Variants in SELE observed in about 807,000 individuals in gnomAD.
SELE encodes the protein E-selectin.
A neutral mutation model predicts 75.8 loss-of-function variants in SELE; 52 were observed. That is an observed-to-expected ratio of 0.69 (90% CI 0.55 to 0.86). The LOEUF is 0.86. SELE is among the 40% of genes least tolerant of loss of function. The pLI, the probability that SELE is intolerant of heterozygous loss-of-function variation, is 0.00. For synonymous variants in SELE, 285 were observed against 258.7 expected (o/e 1.10, Z -0.98); for missense variants, 754 against 732.7 (o/e 1.03, Z -0.34).
rs1368355922 is a variant in SELE, at chr1:169,727,867, G to A, written c.1340C>T (p.Pro447Leu). 6.2e-7 allele frequency: 1 copy of A among 1,614,044 alleles called. No individual in the cohort carries two copies. Among genetic ancestry groups the A allele is most frequent in the African/African-American group, 1.3e-5 (1 of 74,920 alleles). The change falls in exon 9 of 14, where the codon CCT becomes CTT. Residue 447 changes from proline (P) to leucine (L), a missense_variant. Pro to Leu is a moderately conservative substitution (Grantham distance 98, BLOSUM62 -3). Transcript: ENST00000333360. ...GGACTTGTAGGTGAATTCTCCAATA[G>A]GGGAATGAGCACACCTCACCAAACC... ...PKGLVRCAHS[P>L]IGEFTYKSSC...
intron 10 of SELE, 38 bp from the exon 11 acceptor site, chr1:169,726,844 A>T: frequency 1.4e-6 from 2 of 1,437,476 alleles, no homozygotes. Flanking sequence ...CATGAGGAAG[A>T]ATTGATGTTA....
intron 4 of SELE, among the ~76,000 whole-genome samples, chr1:169,730,876 A>C (rs930360183): frequency 6.6e-6 from 1 of 152,136 alleles, no homozygotes; most frequent in Non-Finnish European, 1.5e-5. Context: ...GAGTAGTGTA[A>C]TTGTGTTTAC....
chr1:169,732,943 CAT>C lies in SELE; in HGVS notation c.91_92del (p.Met31AspfsTer3). 6 of 1,612,634 alleles carry C rather than the reference CAT, an allele frequency of 3.7e-6. No individual in the cohort carries two copies. The highest frequency in any genetic ancestry group is 5.1e-6 in the Non-Finnish European group (6 of 1,179,608). On this transcript the variant is annotated frameshift_variant, in exon 3 of 14. Transcript: ENST00000333360. LOFTEE classifies it high-confidence loss of function. ...AWSYNTSTEA[M>X]TYDEASAYCQ... ...AATAAGCACTGGCCTCATCATAAGT[CAT>C]AGCTTCCGTGGAGGTGTTGTAAGAC... is the stretch of plus-strand genomic sequence containing the variant.
Position 169,723,358 on chromosome 1 carries a change from A to G in SELE, c.*1167T>C, listed in dbSNP as rs1648673096. 1 of 152,230 alleles carries G rather than the reference A, an allele frequency of 6.6e-6. No homozygotes were observed. Among genetic ancestry groups the G allele is most frequent in the African/African-American group, 2.4e-5 (1 of 41,464 alleles). 9.4% of individuals were successfully genotyped at this position (152,230 alleles called of 1,614,324 possible). On this transcript the variant is annotated 3_prime_UTR_variant, in exon 14 of 14. Coordinates refer to ENST00000333360, the MANE Select transcript of SELE (RefSeq NM_000450.2). ...GTGAATTTAAAATCTTCCATAATAT[A>G]CAAGAATTATGTTTACATATCATAT...
chr1:169,732,339 A>G (rs1281570751), intron 3 of SELE, among the ~76,000 whole-genome samples: 1 of 150,482 alleles, frequency 6.6e-6, no homozygotes, highest in Non-Finnish European at 1.5e-5. Context: ...GTGTGTATGT[A>G]TATATATAAA....
intron 9 of SELE, 91 bp from the exon 10 acceptor site, chr1:169,727,616 G>A (rs907126690): frequency 1.3e-6 from 2 of 1,545,960 alleles, no homozygotes; most frequent in Non-Finnish European, 1.8e-6. Context: ...AATGTAAAGT[G>A]TAAGCGCTAC....
chr1:169,733,574 A>G lies in SELE; in HGVS notation c.37+2T>C, dbSNP rs768928347. On this transcript the variant is annotated splice_donor_variant, in intron 2 of 13. Transcript: ENST00000333360. LOFTEE classifies it high-confidence loss of function. ...AATCTTGGTCTAATGGCACTGACTT[A>G]CCCAAAGTGAGAGCTGAGAGAAACT... 6.2e-7 allele frequency: 1 copy of G among 1,613,728 alleles called. No homozygotes were observed. The highest frequency in any genetic ancestry group is 1.7e-5 in the Admixed American group (1 of 60,028).
At chr1:169,732,514 A>G (rs1470221087) in intron 3 of SELE, 101 bp downstream of exon 3, 5 of 1,382,072 alleles carry the variant, frequency 3.6e-6, no homozygotes, top group Non-Finnish European at 4.9e-6. Flanking sequence ...ATCTTTTGGA[A>G]CATAAAATGA....
rs749877823 is a variant in SELE, at chr1:169,725,713, G to T, written c.*15+16C>A. 1.2e-6 allele frequency: 2 copies of T among 1,601,936 alleles called. No individual in the cohort carries two copies. The highest frequency in any genetic ancestry group is 8.6e-7 in the Non-Finnish European group (1 of 1,169,350). On this transcript the variant is annotated intron_variant, in intron 13 of 13. Coordinates refer to ENST00000333360, the MANE Select transcript of SELE (RefSeq NM_000450.2). ...AGATACCTCTCTCATAACCATTTGT[G>T]ATTTACAAGTCTTACCTGATTCTTT...
At chr1:169,726,011 A>T in intron 11 of SELE, 83 bp from the exon 12 acceptor site, 1 of 1,511,072 alleles carries the variant, frequency 6.6e-7, no homozygotes, top group Non-Finnish European at 9.2e-7. Flanking sequence ...ATATGACTTA[A>T]TTCATCAAGT....
At chr1:169,724,858 A>G (rs540610344) in intron 13 of SELE, among the ~76,000 whole-genome samples, 1 of 152,280 alleles carries the variant, frequency 6.6e-6, no homozygotes, top group East Asian at 1.9e-4. Context: ...TTTCTGCTCA[A>G]TTTTTCTGTA....
chr1:169,730,540 T>C lies in SELE; in HGVS notation c.607A>G (p.Asn203Asp), dbSNP rs767241438. ...CSHPLGNFSY[N>D]SSCSISCDRG... ...TCACAGCTGATAGAGCAGGAAGAAT[T>C]GTAGCTGAAGTTTCCCAGTGGGTGA... Residue 203 changes from asparagine to aspartate, a missense_variant, in exon 5 of 14, where the codon AAT becomes GAT. By Grantham distance (23) the Asn-to-Asp change is conservative. Transcript: ENST00000333360. The C allele has an allele frequency of 6.2e-7, 1 of 1,614,016 alleles. No individual in the cohort carries two copies. Among genetic ancestry groups the C allele is most frequent in the Non-Finnish European group, 8.5e-7 (1 of 1,179,970 alleles).
intron 10 of SELE, 78 bp downstream of exon 10, chr1:169,727,271 A>G: frequency 2.7e-6 from 4 of 1,471,622 alleles, no homozygotes; most frequent in Non-Finnish European, 3.7e-6. Flanking sequence ...GATATAATGA[A>G]TAGTTGATTA....
rs2101989223 is a variant in SELE, at chr1:169,724,217, A to G, written c.*308T>C. ...CGAGCAAGGGAGAGTTAGAAAAGGAATTCTGAGATTTCAGAGTCTTGGTCT... is the reference window on the plus strand; with the variant it reads ...CGAGCAAGGGAGAGTTAGAAAAGGAGTTCTGAGATTTCAGAGTCTTGGTCT... On this transcript the variant is annotated 3_prime_UTR_variant, in exon 14 of 14. Coordinates refer to ENST00000333360, the MANE Select transcript of SELE (RefSeq NM_000450.2). The G allele has an allele frequency of 6.6e-6, 1 of 152,356 alleles. No individual in the cohort carries two copies. Among genetic ancestry groups the G allele is most frequent in the South Asian group, 2.1e-4 (1 of 4,832 alleles). 9.4% of individuals were successfully genotyped at this position (152,356 alleles called of 1,614,324 possible). A position where few individuals can be genotyped will look rare whatever the true frequency, so the allele number is the denominator to read the frequency against.
Position 169,732,971 on chromosome 1 carries a change from C to A in SELE, c.65G>T (p.Trp22Leu). The change falls in exon 3 of 14, where the codon TGG becomes TTG. Residue 22 changes from tryptophan (W) to leucine (L), a missense_variant. Coordinates refer to ENST00000333360, the MANE Select transcript of SELE (RefSeq NM_000450.2). ...AGCTTCCGTGGAGGTGTTGTAAGAC[C>A]AGGCTCCACTCTCTTTAATGAGAAG... ...LVLLIKESGA[W>L]SYNTSTEAMT... is the part of the protein sequence containing the mutation. 6.2e-7 allele frequency: 1 copy of A among 1,604,806 alleles called. No individual in the cohort carries two copies. The highest frequency in any genetic ancestry group is 1.1e-5 in the South Asian group (1 of 89,042).
Position 169,727,869 on chromosome 1 carries a change from G to A in SELE, c.1338C>T (p.Ser446=). The part of the protein sequence containing the change: ...PPKGLVRCAH[S]PIGEFTYKSS... ...ACTTGTAGGTGAATTCTCCAATAGG[G>A]GAATGAGCACACCTCACCAAACCCT... The change falls in exon 9 of 14, where the codon TCC becomes TCT. Residue 446 remains serine (S), a synonymous_variant. Coordinates refer to ENST00000333360, the MANE Select transcript of SELE (RefSeq NM_000450.2). 4 of 1,614,112 alleles carry A rather than the reference G, an allele frequency of 2.5e-6. No individual in the cohort carries two copies. Among genetic ancestry groups the A allele is most frequent in the African/African-American group, 1.3e-5 (1 of 75,036 alleles).
rs1571147807 is a variant in SELE, at chr1:169,733,075, G to T, written c.38-77C>A. On this transcript the variant is annotated intron_variant, in intron 2 of 13. Coordinates refer to ENST00000333360, the MANE Select transcript of SELE (RefSeq NM_000450.2). ...AACTCTGACAACTGTGCTTTTTATT[G>T]TCTTATTTTTGGCAATGTTTGTGAC... is the stretch of plus-strand genomic sequence containing the variant. 6 of 1,422,598 alleles carry T rather than the reference G, an allele frequency of 4.2e-6. No homozygotes were observed. In the Admixed American group the frequency reaches 1.0e-4, roughly 25 times the overall value. 88.1% of individuals were successfully genotyped at this position (1,422,598 alleles called of 1,614,324 possible). A position where few individuals can be genotyped will look rare whatever the true frequency, so the allele number is the denominator to read the frequency against.
Position 169,724,294 on chromosome 1 carries a change from T to A in SELE, c.*231A>T, listed in dbSNP as rs1648691303. ...CCTTTCCCTTCATTAGCCAACACTT[T>A]CTTGATCCTGAGAGTAGGAAAGGGA... On this transcript the variant is annotated 3_prime_UTR_variant, in exon 14 of 14. Coordinates refer to ENST00000333360, the MANE Select transcript of SELE (RefSeq NM_000450.2). 1 of 152,208 alleles carries A rather than the reference T, an allele frequency of 6.6e-6. No homozygotes were observed. The highest frequency in any genetic ancestry group is 6.5e-5 in the Admixed American group (1 of 15,276). 9.4% of individuals were successfully genotyped at this position (152,208 alleles called of 1,614,324 possible).
In SELE at chr1:169,723,701, T is replaced by C. The variant is rs1648682094; in HGVS notation, c.*824A>G. 6.6e-6 allele frequency: 1 copy of C among 152,228 alleles called. No individual in the cohort carries two copies. The highest frequency in any genetic ancestry group is 1.5e-5 in the Non-Finnish European group (1 of 68,036). 9.4% of individuals were successfully genotyped at this position (152,228 alleles called of 1,614,324 possible). A position where few individuals can be genotyped will look rare whatever the true frequency, so the allele number is the denominator to read the frequency against. On this transcript the variant is annotated 3_prime_UTR_variant, in exon 14 of 14. Coordinates refer to ENST00000333360, the MANE Select transcript of SELE (RefSeq NM_000450.2). Reference sequence around the variant, plus strand: ...GGGACAATAGTTTCCCTTTTTGAAATAAATTTAAAACAGATGTAACATAAT... The same window carrying C: ...GGGACAATAGTTTCCCTTTTTGAAACAAATTTAAAACAGATGTAACATAAT...
Sources: gnomAD v4.1 joint callset for allele counts (sites outside exome capture counted in the v4.1 genomes callset) on GRCh38, gnomAD v4.1.1 for gene constraint, MANE v1.5 for transcripts, NCBI Gene and HGNC (gene_info 2026-07-23, HGNC 2026-07-21) for gene names.